Variants in FADS2 observed in about 807,000 individuals in gnomAD.
FADS2 encodes fatty acid desaturase 2, also known as acyl-CoA 6-desaturase.
Under a neutral mutation model 61.2 loss-of-function variants are expected in FADS2, and 18 were observed. The ratio of observed to expected loss-of-function variants is 0.29; its 90% CI spans 0.20 to 0.44. The LOEUF (loss-of-function observed/expected upper bound fraction) is 0.44. Among genes scored for constraint, FADS2 ranks in the 20% least tolerant of loss-of-function variants. FADS2 has a pLI of 1.00. For synonymous variants in FADS2, 203 were observed against 223.9 expected (o/e 0.91, Z 0.83); for missense variants, 322 against 572.7 (o/e 0.56, Z 4.47).
chr11:61,865,495 C>G lies in FADS2; in HGVS notation c.1284-143C>G. 1 of 942,178 alleles carries G rather than the reference C, an allele frequency of 1.1e-6. No homozygotes were observed. Among genetic ancestry groups the G allele is most frequent in the Non-Finnish European group, 1.6e-6 (1 of 617,336 alleles). 58.4% of individuals were successfully genotyped at this position (942,178 alleles called of 1,614,324 possible). A position where few individuals can be genotyped will look rare whatever the true frequency, so the allele number is the denominator to read the frequency against. ...CCTGGTGGGCTCTGAGCTGACAGCC[C>G]CACAGGCCCAGTGGCAGTGGTAAGC... On this transcript the variant is annotated intron_variant, in intron 11 of 11. Coordinates refer to ENST00000278840, the MANE Select transcript of FADS2 (RefSeq NM_004265.4). The surrounding 1 kb of genome is among the most constrained non-coding windows in gnomAD (Gnocchi z 4.1).
chr11:61,863,821 A>C, intron 10 of FADS2, 35 bp downstream of exon 10: 1 of 1,551,770 alleles, frequency 6.4e-7, no homozygotes, highest in Non-Finnish European at 8.9e-7. Flanking sequence ...GGGGAGACCC[A>C]CAGCGGGAGG....
At position 61,816,934 on chromosome 11, in the gene FADS2, C is replaced by T; in HGVS notation, c.141+508C>T. 1 of 1,384,334 alleles carries T rather than the reference C, an allele frequency of 7.2e-7. No homozygotes were observed. The highest frequency in any genetic ancestry group is 9.3e-7 in the Non-Finnish European group (1 of 1,078,264). 85.8% of individuals were successfully genotyped at this position (1,384,334 alleles called of 1,614,324 possible). On this transcript the variant is annotated intron_variant, in intron 1 of 11. Coordinates refer to the FADS2 transcript ENST00000257261. This position sits in a 1 kb window ranked among gnomAD's most constrained non-coding sequence, Gnocchi z 7.0. ...CCTCGCAGCGCGCGTTCCCATTGGC[C>T]GAGCCTCGTGGCGCGGGGAGCGAGA...
At chr11:61,827,757 G>A (rs892914979), upstream of FADS2, 1 of 152,368 alleles carries the variant, frequency 6.6e-6, no homozygotes, top group Non-Finnish European at 1.5e-5. This position sits in a 1 kb window ranked among gnomAD's most constrained non-coding sequence, Gnocchi z 4.5. Context: ...AGCGCGCGGA[G>A]CCCATTCGTT....
In FADS2 at chr11:61,828,437, T is replaced by C; in HGVS notation, c.47T>C (p.Val16Ala). ...GGCGAGGGGGCCGCCGAGCGCGAGG[T>C]GTCGGTGCCCACCTTCAGCTGGGAG... is the stretch of plus-strand genomic sequence containing the variant. ...NQGEGAAERE[V>A]SVPTFSWEEI... The change falls in exon 1 of 12, where the codon GTG becomes GCG. Residue 16 changes from valine (V) to alanine (A), a missense_variant. By Grantham distance (64) the Val-to-Ala change is moderately conservative. Transcript: ENST00000278840. This position sits in a 1 kb window ranked among gnomAD's most constrained non-coding sequence, Gnocchi z 6.4. 3.1e-6 allele frequency: 5 copies of C among 1,591,984 alleles called. No homozygotes were observed. The highest frequency in any genetic ancestry group is 4.3e-6 in the Non-Finnish European group (5 of 1,170,936).
rs908523570 is a variant in FADS2 at position 61,863,083 on chromosome 11, G to C, written c.980+14G>C. 2.2e-5 allele frequency: 35 copies of C among 1,607,276 alleles called. No homozygotes were observed. Among genetic ancestry groups the C allele is most frequent in the Non-Finnish European group, 2.8e-5 (33 of 1,173,832 alleles). ...CAACTTCATCAGGTGCCTGGGCTTTGCTGATTCATCCCTGGGCCCTCCACT... is the reference window on the plus strand; with the variant it reads ...CAACTTCATCAGGTGCCTGGGCTTTCCTGATTCATCCCTGGGCCCTCCACT... On this transcript the variant is annotated intron_variant, in intron 8 of 11. Coordinates refer to ENST00000278840, the MANE Select transcript of FADS2 (RefSeq NM_004265.4).
chr11:61,816,810 G>A lies in FADS2; in HGVS notation c.141+384G>A, dbSNP rs921458805. 1.3e-6 allele frequency: 2 copies of A among 1,495,568 alleles called. No homozygotes were observed. Among genetic ancestry groups the A allele is most frequent in the Admixed American group, 4.8e-5 (2 of 41,786 alleles). 92.6% of individuals were successfully genotyped at this position (1,495,568 alleles called of 1,614,324 possible). A position where few individuals can be genotyped will look rare whatever the true frequency, so the allele number is the denominator to read the frequency against. On this transcript the variant is annotated intron_variant, in intron 1 of 11. Transcript: ENST00000257261. The surrounding 1 kb of genome is among the most constrained non-coding windows in gnomAD (Gnocchi z 7.0). ...GGCCAGCAGGGGCTGTCAGGCGCGT[G>A]CTCGGGGTCCGCGGGCTCCAGGAGT...
intron 1 of FADS2, among the ~76,000 whole-genome samples, chr11:61,820,679 C>T (rs1007631881): frequency 6.6e-6 from 1 of 152,132 alleles, no homozygotes; most frequent in East Asian, 1.9e-4. Context: ...GAGGGCGGAT[C>T]ACCTGAGGTC....
At chr11:61,853,334 T>TCC (rs1361481542) in intron 5 of FADS2, among the ~76,000 whole-genome samples, 75 of 125,986 alleles carry the variant, frequency 6.0e-4, no homozygotes, top group African/African-American at 2.0e-3. Flanking sequence ...CTTCCTTCCT[T>TCC]TCCTTCTTTC....
chr11:61,834,788 AG>A (rs777281980), intron 1 of FADS2, among the ~76,000 whole-genome samples: 14 of 152,070 alleles, frequency 9.2e-5, no homozygotes, highest in Non-Finnish European at 2.1e-4. Context: ...GGACCAATGA[AG>A]GGGCTTTTTC....
At chr11:61,842,958 C>A (rs1419834220) in intron 4 of FADS2, among the ~76,000 whole-genome samples, 2 of 152,220 alleles carry the variant, frequency 1.3e-5, no homozygotes, top group African/African-American at 4.8e-5. Flanking sequence ...GAGGCTGGGA[C>A]CCCCTTCTTC....
intron 4 of FADS2, among the ~76,000 whole-genome samples, chr11:61,844,365 G>A (rs1301490767): frequency 6.6e-6 from 1 of 150,484 alleles, no homozygotes; most frequent in Non-Finnish European, 1.5e-5. Context: ...AAGGTCAGGA[G>A]TTCAAGACCA....
upstream of FADS2, among the ~76,000 whole-genome samples, chr11:61,825,689 G>A (rs1591162597): frequency 1.3e-5 from 2 of 151,122 alleles, no homozygotes; most frequent in South Asian, 2.1e-4. Flanking sequence ...TCAGGAGATC[G>A]AGACCATCCT....
intron 10 of FADS2, chr11:61,863,995 C>A: frequency 1.8e-6 from 1 of 544,700 alleles, no homozygotes. Flanking sequence ...TCCTGTGCCC[C>A]TCATGCTGTG....
chr11:61,839,624 T>C (rs1182233283), intron 2 of FADS2, among the ~76,000 whole-genome samples: 6 of 152,200 alleles, frequency 3.9e-5, no homozygotes, highest in Admixed American at 3.9e-4. Flanking sequence ...AAAAGTGTGG[T>C]CAACCATTTT....
chr11:61,857,785 G>T (rs2067375823), intron 7 of FADS2, among the ~76,000 whole-genome samples: 1 of 152,174 alleles, frequency 6.6e-6, no homozygotes, highest in Admixed American at 6.5e-5. Flanking sequence ...CCCCGAGAAA[G>T]TTCTCAAAGG....
At chr11:61,856,918 A>G (rs1259735796) in intron 5 of FADS2, 93 bp from the exon 6 acceptor site, 3 of 1,014,822 alleles carry the variant, frequency 3.0e-6, no homozygotes, top group Admixed American at 1.7e-5. Flanking sequence ...CCCTGAGCAG[A>G]TAGAAGGGAT....
intron 4 of FADS2, chr11:61,847,345 C>G (rs771755764): frequency 2.0e-5 from 3 of 152,172 alleles, no homozygotes; most frequent in Non-Finnish European, 4.4e-5. Context: ...AAAGAAACCC[C>G]ACGTTTCTTA....
intron 10 of FADS2, among the ~76,000 whole-genome samples, chr11:61,864,566 G>A (rs1194468212): frequency 6.6e-6 from 1 of 151,268 alleles, no homozygotes; most frequent in Non-Finnish European, 1.5e-5. Flanking sequence ...GCTAATTTTT[G>A]TATTTTTTAG....
At position 61,865,036 on chromosome 11, in the gene FADS2, G is replaced by A. The variant is rs185304506; in HGVS notation, c.1158-116G>A. The A allele has an allele frequency of 2.4e-6, 3 of 1,260,792 alleles. No homozygotes were observed. Among genetic ancestry groups the A allele is most frequent in the Admixed American group, 4.0e-5 (2 of 50,338 alleles). 78.1% of individuals were successfully genotyped at this position (1,260,792 alleles called of 1,614,324 possible). The stretch of plus-strand genomic sequence containing the variant: ...GGAGCCACACTTTGAGACTGGTCCT[G>A]GCTGTGGACAGGGTCTCTGAGGGCC... On this transcript the variant is annotated intron_variant, in intron 10 of 11. Coordinates refer to ENST00000278840, the MANE Select transcript of FADS2 (RefSeq NM_004265.4). The surrounding 1 kb of genome is among the most constrained non-coding windows in gnomAD (Gnocchi z 4.1).
Sources: gnomAD v4.1 joint callset for allele counts (sites outside exome capture counted in the v4.1 genomes callset) on GRCh38, gnomAD v4.1.1 for gene constraint, Gnocchi (gnomAD v3.1) non-coding constraint, MANE v1.5 for transcripts, NCBI Gene and HGNC (gene_info 2026-07-23, HGNC 2026-07-21) for gene names.